Variants in FAM24B observed in about 807,000 individuals in gnomAD.
FAM24B encodes protein FAM24B.
In FAM24B, 3 loss-of-function variants were observed where a neutral mutation model predicts 2.3. The ratio of observed to expected loss-of-function variants is 1.29; its 90% CI spans 0.59 to 3.32. The LOEUF (loss-of-function observed/expected upper bound fraction) is 3.32. Among genes scored for constraint, FAM24B ranks in the 30% most tolerant of loss-of-function variants. The probability of loss-of-function intolerance (pLI) is 0.03; values close to 1 mark genes in which losing one functional copy is unlikely to be tolerated. For missense variants in FAM24B, 98 were observed against 117.2 expected, an observed-to-expected ratio of 0.84 and a Z score of 0.76; for synonymous variants, 36 against 46.3, an observed-to-expected ratio of 0.78 and a Z score of 0.90.
At chr10:122,850,670 TA>T (rs1453275163) in intron 2 of FAM24B, 120 bp from the exon 3 acceptor site, 1 of 614,602 alleles carries the variant, frequency 1.6e-6, no homozygotes, top group Non-Finnish European at 2.9e-6. Flanking sequence ...CTTATGTGTG[TA>T]AAACACAAAT....
intron 1 of FAM24B, among the ~76,000 whole-genome samples, chr10:122,877,017 C>A (rs946810603): frequency 2.0e-5 from 3 of 152,182 alleles, no homozygotes; most frequent in Non-Finnish European, 4.4e-5. Context: ...ATATAATAAA[C>A]TTCTCTTTAA....
intron 1 of FAM24B, among the ~76,000 whole-genome samples, chr10:122,859,164 A>C (rs1325895418): frequency 6.6e-6 from 1 of 152,212 alleles, no homozygotes; most frequent in Non-Finnish European, 1.5e-5. Flanking sequence ...TAGTACTCAG[A>C]CACTGAAAGA....
intron 1 of FAM24B, among the ~76,000 whole-genome samples, chr10:122,874,840 T>C (rs1422747781): frequency 2.0e-5 from 3 of 152,220 alleles, no homozygotes; most frequent in African/African-American, 7.2e-5. Context: ...TTTAAGCTCA[T>C]CAGCCATTGT....
intron 1 of FAM24B, among the ~76,000 whole-genome samples, chr10:122,872,929 A>G (rs140589342): frequency 6.6e-6 from 1 of 152,344 alleles, no homozygotes; most frequent in African/African-American, 2.4e-5. Flanking sequence ...TAAAACTTAA[A>G]GTATAACAAT....
At chr10:122,875,293 A>G (rs1847959480) in intron 1 of FAM24B, among the ~76,000 whole-genome samples, 1 of 152,228 alleles carries the variant, frequency 6.6e-6, no homozygotes, top group South Asian at 2.1e-4. Context: ...TAGAGTTTCC[A>G]TATCTCTGCT....
intron 2 of FAM24B, among the ~76,000 whole-genome samples, chr10:122,854,747 A>G (rs1847607652): frequency 6.6e-6 from 1 of 152,216 alleles, no homozygotes; most frequent in South Asian, 2.1e-4. Context: ...CAACTTTGCA[A>G]AATGCGATTC....
At chr10:122,877,292 C>T (rs1847989812) in intron 1 of FAM24B, among the ~76,000 whole-genome samples, 1 of 152,096 alleles carries the variant, frequency 6.6e-6, no homozygotes, top group African/African-American at 2.4e-5. Context: ...ATAAGGCCAG[C>T]CACAATTCTC....
chr10:122,868,540 C>G (rs868828282), intron 1 of FAM24B, among the ~76,000 whole-genome samples: 18 of 152,162 alleles, frequency 1.2e-4, no homozygotes, highest in Non-Finnish European at 2.1e-4. Flanking sequence ...AGAGAAAGGT[C>G]GGGTTACCCA....
chr10:122,873,841 A>T (rs2133842207), intron 1 of FAM24B, among the ~76,000 whole-genome samples: 1 of 152,336 alleles, frequency 6.6e-6, no homozygotes, highest in Admixed American at 6.5e-5. Context: ...TTTAGTTTGA[A>T]ATATTTTTAA....
intron 3 of FAM24B, 83 bp from the exon 4 acceptor site, chr10:122,849,522 G>A (rs1333636738): frequency 1.5e-6 from 2 of 1,293,588 alleles, no homozygotes; most frequent in Non-Finnish European, 2.1e-6. Context: ...GGTATCTGGG[G>A]AGTTTAGTGC....
At chr10:122,861,171 G>A (rs1212992171) in intron 1 of FAM24B, among the ~76,000 whole-genome samples, 1 of 151,910 alleles carries the variant, frequency 6.6e-6, no homozygotes, top group East Asian at 1.9e-4. Context: ...TTTACATTTA[G>A]GTCTACAATT....
At chr10:122,862,630 A>G (rs1470703550) in intron 1 of FAM24B, among the ~76,000 whole-genome samples, 1 of 152,164 alleles carries the variant, frequency 6.6e-6, no homozygotes, top group Non-Finnish European at 1.5e-5. Flanking sequence ...TTCAGCCAAT[A>G]ATAAGCAAAA....
intron 1 of FAM24B, among the ~76,000 whole-genome samples, chr10:122,872,469 A>G (rs915611684): frequency 6.6e-6 from 1 of 152,378 alleles, no homozygotes. Context: ...TCATGCTGCT[A>G]TAAAGACACA....
intron 2 of FAM24B, among the ~76,000 whole-genome samples, chr10:122,850,947 C>G (rs1847525069): frequency 6.6e-6 from 1 of 152,080 alleles, no homozygotes; most frequent in African/African-American, 2.4e-5. Context: ...CAGAAATGAC[C>G]CCCCACTGGA....
intron 1 of FAM24B, among the ~76,000 whole-genome samples, chr10:122,873,322 AGAAT>A (rs1847928268): frequency 6.6e-6 from 1 of 152,248 alleles, no homozygotes; most frequent in Admixed American, 6.5e-5. Flanking sequence ...AGGGCTCTTA[AGAAT>A]TATGCTAAAT....
intron 3 of FAM24B, 57 bp from the exon 4 acceptor site, chr10:122,849,496 G>T: frequency 6.7e-7 from 1 of 1,492,954 alleles, no homozygotes; most frequent in South Asian, 1.3e-5. Context: ...CAGCCCTTTT[G>T]TTAGAACTGT....
intron 1 of FAM24B, among the ~76,000 whole-genome samples, chr10:122,863,592 C>G (rs534085480): frequency 1.8e-4 from 28 of 152,284 alleles, no homozygotes; most frequent in Admixed American, 1.6e-3. Context: ...GTCCCTCTCC[C>G]CTGCTCACAT....
chr10:122,858,672 G>A (rs1000870170), intron 1 of FAM24B, among the ~76,000 whole-genome samples: 2 of 152,092 alleles, frequency 1.3e-5, no homozygotes, highest in Admixed American at 1.3e-4. Context: ...CCTGAAGCAG[G>A]AAAGTTCTAG....
intron 1 of FAM24B, among the ~76,000 whole-genome samples, chr10:122,861,184 T>C (rs1012079989): frequency 6.6e-6 from 1 of 152,238 alleles, no homozygotes; most frequent in African/African-American, 2.4e-5. Context: ...CTACAATTCA[T>C]ATTGCTTTAG....
Sources: allele counts gnomAD v4.1 joint callset (sites outside exome capture counted in the v4.1 genomes callset), GRCh38; gene constraint gnomAD v4.1.1; transcripts MANE v1.5; gene names NCBI Gene and HGNC (gene_info 2026-07-23, HGNC 2026-07-21).